Variants in TNRC6C observed in about 807,000 individuals in gnomAD.
The protein encoded by TNRC6C is trinucleotide repeat containing adaptor 6C.
A neutral mutation model predicts 153.7 loss-of-function variants in TNRC6C; 20 were observed. The ratio of observed to expected loss-of-function variants is 0.13; its 90% confidence interval spans 0.09 to 0.19. TNRC6C has a LOEUF of 0.19. TNRC6C is among the 10% of genes least tolerant of loss of function. TNRC6C has a pLI of 1.00. For missense variants in TNRC6C, 1,987 were observed against 2,172.0 expected (o/e 0.91, Z 1.69); for synonymous variants, 811 against 841.4 (o/e 0.96, Z 0.63).
chr17:78,073,071 A>C (rs1315724569), exon 7 of TNRC6C: 1 of 1,557,074 alleles, frequency 6.4e-7, no homozygotes, highest in African/African-American at 1.4e-5. Context: ...AAGAGTAACA[A>C]TATGAATCTT....
chr17:78,072,917 A>G, intron 6 of TNRC6C, 120 bp from the exon 9 acceptor site: 1 of 651,152 alleles, frequency 1.5e-6, no homozygotes, highest in South Asian at 2.1e-5. Flanking sequence ...CAGTGAAGAA[A>G]TGTATTTCCA....
chr17:78,060,353 C>T (rs1035590741), intron 3 of TNRC6C, among the ~76,000 whole-genome samples: 5 of 151,954 alleles, frequency 3.3e-5, no homozygotes, highest in African/African-American at 7.3e-5. Flanking sequence ...GTTTAAAGGC[C>T]GTTGGTATGA....
In TNRC6C at chr17:78,098,550, C is replaced by T; in HGVS notation, c.4501+13C>T. On this transcript the variant is annotated intron_variant, in intron 17 of 19. Coordinates refer to ENST00000301624, the Ensembl canonical transcript of TNRC6C. ...TCCTACTCCTCGGGTAAGCTCCATG[C>T]TCCTCGTGTTCCGATGGGGGCCTTA... 6.2e-7 allele frequency: 1 copy of T among 1,608,400 alleles called. No homozygotes were observed. The highest frequency in any genetic ancestry group is 1.1e-5 in the South Asian group (1 of 90,556).
intron 1 of TNRC6C, among the ~76,000 whole-genome samples, chr17:77,974,670 T>C (rs759266019): frequency 6.6e-6 from 1 of 152,226 alleles, no homozygotes; most frequent in Non-Finnish European, 1.5e-5. Flanking sequence ...TATATTACCA[T>C]TGTTATTCAA....
At chr17:78,040,878 G>A (rs2072278108) in intron 2 of TNRC6C, among the ~76,000 whole-genome samples, 1 of 152,192 alleles carries the variant, frequency 6.6e-6, no homozygotes, top group Non-Finnish European at 1.5e-5. Flanking sequence ...GCCTCCTGGA[G>A]TAGAAAGGGC....
At chr17:78,034,639 G>A (rs1316046809) in intron 2 of TNRC6C, among the ~76,000 whole-genome samples, 2 of 152,142 alleles carry the variant, frequency 1.3e-5, no homozygotes, top group Non-Finnish European at 2.9e-5. Flanking sequence ...GGTCATAAGA[G>A]TCTTGCCTTT....
At chr17:78,006,836 T>A (rs9912483) in intron 1 of TNRC6C, among the ~76,000 whole-genome samples, 2,839 of 143,434 alleles carry the variant, frequency 0.02, 78 homozygotes, top group African/African-American at 0.057. Flanking sequence ...TTATTTTTTT[T>A]TTTTTTGAGA....
intron 1 of TNRC6C, among the ~76,000 whole-genome samples, chr17:77,969,614 C>T (rs2070925333): frequency 6.6e-6 from 1 of 151,808 alleles, no homozygotes. Context: ...TGGCATCTGA[C>T]CTATTAAGAG....
At chr17:78,086,356 A>AAAAAAAC (rs2073288622) in intron 11 of TNRC6C, 147 bp from the exon 14 acceptor site, 1 of 487,962 alleles carries the variant, frequency 2.0e-6, no homozygotes, top group Admixed American at 3.6e-5. Flanking sequence ...AAAAAAAAAA[A>AAAAAAAC]AAAACAGTAT....
chr17:78,001,569 G>C (rs9900440), upstream of TNRC6C, among the ~76,000 whole-genome samples: 1,742 of 152,276 alleles, frequency 0.011, 38 homozygotes, highest in African/African-American at 0.038. Context: ...ATCTCAGTAG[G>C]GGGAGGGAGA....
intron 3 of TNRC6C, among the ~76,000 whole-genome samples, chr17:78,059,625 G>A (rs1598743856): frequency 6.6e-6 from 1 of 152,106 alleles, no homozygotes. Flanking sequence ...AGCCAGGTGG[G>A]TTGCTTGAAC....
In TNRC6C at chr17:78,079,648, A is replaced by G; in HGVS notation, c.3357+107A>G. On this transcript the variant is annotated intron_variant, in intron 10 of 19. Transcript: ENST00000301624. This position sits in a 1 kb window ranked among gnomAD's most constrained non-coding sequence, Gnocchi z 4.3. Reference sequence around the variant, plus strand: ...CTATTTTAAAGTGAGAGCGGAGTTAATCCATGTTTAAGAGAAGGCCTTCTG... The same window carrying G: ...CTATTTTAAAGTGAGAGCGGAGTTAGTCCATGTTTAAGAGAAGGCCTTCTG... The G allele has an allele frequency of 1.4e-6, 2 of 1,418,634 alleles. No individual in the cohort carries two copies. The highest frequency in any genetic ancestry group is 1.9e-6 in the Non-Finnish European group (2 of 1,054,802). 87.9% of individuals were successfully genotyped at this position (1,418,634 alleles called of 1,614,324 possible). A position where few individuals can be genotyped will look rare whatever the true frequency, so the allele number is the denominator to read the frequency against.
exon 3 of TNRC6C, chr17:78,051,372 C>T: frequency 3.2e-6 from 5 of 1,551,264 alleles, no homozygotes; most frequent in Non-Finnish European, 4.4e-6. Context: ...CCACGAGCAA[C>T]ACCACACACA....
chr17:77,987,939 C>CA lies in TNRC6C; in HGVS notation c.-37-16228dup, dbSNP rs572331552. The stretch of plus-strand genomic sequence containing the variant: ...AAGTTATCCGCCCGCCTTGGCCTCT[C>CA]AAAGTGCTGGGATTATAGATGTGAG... On this transcript the variant is annotated intron_variant, in intron 1 of 22. Coordinates refer to the TNRC6C transcript ENST00000636222. 8.6e-3 allele frequency among the ~76,000 whole-genome samples: 1,316 copies of CA among 152,226 alleles called. 13 individuals carry two copies. The highest frequency in any genetic ancestry group is 0.038 in the South Asian group (182 of 4,816).
At chr17:77,958,198 C>T (rs899764101), upstream of TNRC6C, among the ~76,000 whole-genome samples, 3 of 152,024 alleles carry the variant, frequency 2.0e-5, no homozygotes, top group African/African-American at 7.2e-5. Flanking sequence ...AGCATAAAGC[C>T]CGGGCGCCGC....
intron 1 of TNRC6C, among the ~76,000 whole-genome samples, chr17:78,018,409 G>A (rs892688334): frequency 2.6e-5 from 4 of 152,162 alleles, no homozygotes; most frequent in Non-Finnish European, 4.4e-5. Context: ...GATTATAGGC[G>A]TGAGCCACCA....
At chr17:78,093,786 C>G (rs768053318) in intron 16 of TNRC6C, 23 bp downstream of exon 18, 1 of 1,613,022 alleles carries the variant, frequency 6.2e-7, no homozygotes, top group Non-Finnish European at 8.5e-7. Flanking sequence ...CTCTTCCTGC[C>G]TCTGCATGGA....
exon 15 of TNRC6C, chr17:78,093,040 C>G: frequency 6.2e-7 from 1 of 1,613,842 alleles, no homozygotes; most frequent in Non-Finnish European, 8.5e-7. Context: ...AGCCAGTCCT[C>G]CCGTAGCTGT....
chr17:78,006,851 G>GTTTTTTTTT, intron 1 of TNRC6C, among the ~76,000 whole-genome samples: 1 of 147,944 alleles, frequency 6.8e-6, no homozygotes. Context: ...TTGAGATGGA[G>GTTTTTTTTT]TCTTGCTCTA....
Sources: allele counts gnomAD v4.1 joint callset (sites outside exome capture counted in the v4.1 genomes callset), GRCh38; gene constraint gnomAD v4.1.1; non-coding constraint Gnocchi (gnomAD v3.1); transcripts MANE v1.5; gene names NCBI Gene and HGNC (gene_info 2026-07-23, HGNC 2026-07-21).